The following DLG2 variants were observed in gnomAD, a reference collection of about 807,000 sequenced individuals.
DLG2 encodes discs large MAGUK scaffold protein 2, also known as disks large homolog 2.
Under a neutral mutation model 132.5 loss-of-function variants are expected in DLG2, and 45 were observed. The ratio of observed to expected loss-of-function variants is 0.34; its 90% confidence interval spans 0.27 to 0.44. DLG2 has a LOEUF of 0.44. Ranked by LOEUF, DLG2 falls within the 20% of genes least tolerant of loss-of-function variation. The pLI, the probability that DLG2 is intolerant of heterozygous loss-of-function variation, is 1.00. For missense variants in DLG2, 1,045 were observed against 1,196.9 expected, an observed-to-expected ratio of 0.87 and a Z score of 1.87; for synonymous variants, 424 against 419.6, an observed-to-expected ratio of 1.01 and a Z score of -0.13.
At chr11:85,507,505 A>G (rs1175425235) in intron 3 of DLG2, among the ~76,000 whole-genome samples, 1 of 152,186 alleles carries the variant, frequency 6.6e-6, no homozygotes, top group Non-Finnish European at 1.5e-5. Flanking sequence ...TCTGGATTGA[A>G]AATTATTTTC....
intron 6 of DLG2, among the ~76,000 whole-genome samples, chr11:84,973,997 A>G (rs1420386511): frequency 6.6e-6 from 1 of 152,200 alleles, no homozygotes; most frequent in East Asian, 1.9e-4. Context: ...CCATTTATTT[A>G]CTTATTTAAG....
chr11:84,224,873 G>A (rs534133519), intron 8 of DLG2, among the ~76,000 whole-genome samples: 33 of 152,058 alleles, frequency 2.2e-4, no homozygotes, highest in African/African-American at 7.0e-4. Flanking sequence ...ATCTTTCTTT[G>A]TATATGACTG....
chr11:85,011,735 T>C (rs533575526), intron 6 of DLG2, among the ~76,000 whole-genome samples: 21 of 152,206 alleles, frequency 1.4e-4, no homozygotes, highest in Non-Finnish European at 2.6e-4. Flanking sequence ...GTTTATTTTA[T>C]ATTATGCAAA....
intron 16 of DLG2, among the ~76,000 whole-genome samples, chr11:83,863,081 T>A (rs1469519423): frequency 6.6e-6 from 1 of 152,200 alleles, no homozygotes; most frequent in Non-Finnish European, 1.5e-5. Context: ...GCATTGTGTA[T>A]GTAACAGTGT....
At chr11:84,416,420 T>A (rs1373265901) in intron 7 of DLG2, among the ~76,000 whole-genome samples, 1 of 152,192 alleles carries the variant, frequency 6.6e-6, no homozygotes, top group Non-Finnish European at 1.5e-5. Flanking sequence ...AATGAAACTG[T>A]CTTCTTCAAG....
intron 6 of DLG2, among the ~76,000 whole-genome samples, chr11:84,852,276 C>G (rs956524300): frequency 6.6e-5 from 10 of 151,998 alleles, no homozygotes; most frequent in Non-Finnish European, 1.3e-4. Context: ...GGATCTAAGA[C>G]ATGATAAGAC....
chr11:83,674,676 C>T (rs1470807403), intron 18 of DLG2, among the ~76,000 whole-genome samples: 1 of 152,206 alleles, frequency 6.6e-6, no homozygotes, highest in Non-Finnish European at 1.5e-5. Context: ...TCACTGCACC[C>T]TTCTCTGACT....
chr11:84,261,174 T>C (rs1020117404), intron 7 of DLG2, among the ~76,000 whole-genome samples: 23 of 152,236 alleles, frequency 1.5e-4, no homozygotes, highest in African/African-American at 5.3e-4. Context: ...TCTTCTGTAG[T>C]ACATGGATAA....
At chr11:84,172,093 A>C (rs1427023073) in intron 8 of DLG2, among the ~76,000 whole-genome samples, 2 of 152,182 alleles carry the variant, frequency 1.3e-5, no homozygotes, top group Non-Finnish European at 2.9e-5. Flanking sequence ...CATTACACAC[A>C]TTTGTGTAAG....
At chr11:84,221,057 A>G (rs1325710143) in intron 8 of DLG2, among the ~76,000 whole-genome samples, 1 of 150,864 alleles carries the variant, frequency 6.6e-6, no homozygotes, top group Non-Finnish European at 1.5e-5. Context: ...ACCTGCCTCA[A>G]CCTCTCAAAG....
intron 6 of DLG2, among the ~76,000 whole-genome samples, chr11:84,547,279 T>C (rs778961743): frequency 4.6e-5 from 7 of 152,186 alleles, no homozygotes; most frequent in East Asian, 1.9e-4. Context: ...TTTTGCCTTT[T>C]ACTGTTTTGA....
intron 3 of DLG2, among the ~76,000 whole-genome samples, chr11:85,393,053 G>A (rs931721964): frequency 1.3e-5 from 2 of 152,012 alleles, no homozygotes; most frequent in Non-Finnish European, 2.9e-5. Flanking sequence ...CATAGAATAG[G>A]AGAAAATCTT....
intron 19 of DLG2, among the ~76,000 whole-genome samples, chr11:83,617,315 C>T (rs1354035682): frequency 6.6e-6 from 1 of 152,140 alleles, no homozygotes; most frequent in East Asian, 1.9e-4. Context: ...TATGCATCTT[C>T]CTTTAATAAC....
intron 11 of DLG2, among the ~76,000 whole-genome samples, chr11:83,988,104 A>G (rs1206246155): frequency 2.0e-5 from 3 of 152,074 alleles, no homozygotes; most frequent in African/African-American, 7.2e-5. Flanking sequence ...CTCTGATGAT[A>G]GTTTATTTTG....
intron 3 of DLG2, among the ~76,000 whole-genome samples, chr11:85,536,506 G>A (rs551476269): frequency 3.9e-5 from 6 of 152,340 alleles, no homozygotes; most frequent in Admixed American, 6.5e-5. Context: ...TGGCCTTGGC[G>A]TCTGCTCTGC....
At chr11:84,885,645 T>C (rs1375675937) in intron 6 of DLG2, among the ~76,000 whole-genome samples, 1 of 152,118 alleles carries the variant, frequency 6.6e-6, no homozygotes, top group Non-Finnish European at 1.5e-5. Flanking sequence ...ACCTGCAAAA[T>C]GGAGATTAAA....
At chr11:85,508,176 T>G (rs1179733979) in intron 3 of DLG2, among the ~76,000 whole-genome samples, 1 of 152,140 alleles carries the variant, frequency 6.6e-6, no homozygotes, top group Non-Finnish European at 1.5e-5. Context: ...CGGAGAAGTT[T>G]GTTATTACCA....
intron 20 of DLG2, 75 bp downstream of exon 20, chr11:83,541,607 C>T: frequency 7.7e-7 from 1 of 1,292,158 alleles, no homozygotes. Context: ...ACAGTTTCTC[C>T]CACCTTCTTC....
chr11:85,202,007 CTA>C (rs925558897), intron 4 of DLG2, among the ~76,000 whole-genome samples: 53 of 151,452 alleles, frequency 3.5e-4, no homozygotes, highest in Admixed American at 2.2e-3. Context: ...TAAAGACAAA[CTA>C]TTTAAAACAC....
Sources: allele counts gnomAD v4.1 joint callset (sites outside exome capture counted in the v4.1 genomes callset), GRCh38; gene constraint gnomAD v4.1.1; transcripts MANE v1.5; gene names NCBI Gene and HGNC (gene_info 2026-07-23, HGNC 2026-07-21).